Variants in MSH3 observed in about 807,000 individuals in gnomAD.
MSH3 encodes the protein DNA mismatch repair protein Msh3.
In MSH3, 106 loss-of-function variants were observed where a neutral mutation model predicts 123.3. The observed-to-expected ratio is 0.86, with a 90% CI of 0.73 to 1.01. The LOEUF is 1.01. MSH3 is among the 50% of genes least tolerant of loss of function. MSH3 has a pLI of 0.00. For missense variants in MSH3, 1,459 were observed against 1,347.6 expected (o/e 1.08, Z -1.29); for synonymous variants, 515 against 481.4 (o/e 1.07, Z -0.91).
intron 20 of MSH3, among the ~76,000 whole-genome samples, chr5:80,819,380 GTATA>G (rs1460059786): frequency 7.1e-5 from 1 of 14,008 alleles, no homozygotes; most frequent in Non-Finnish European, 1.7e-4. Context: ...ATATATATGT[GTATA>G]TATGTATATA....
intron 3 of MSH3, 107 bp from the exon 4 acceptor site, chr5:80,669,990 C>G: frequency 1.0e-6 from 1 of 1,002,102 alleles, no homozygotes; most frequent in South Asian, 1.4e-5. Flanking sequence ...AACTTTTCAT[C>G]TAGATTCACT....
intron 21 of MSH3, among the ~76,000 whole-genome samples, chr5:80,856,292 A>G (rs1745917996): frequency 6.6e-6 from 1 of 151,850 alleles, no homozygotes; most frequent in African/African-American, 2.4e-5. Context: ...TGTTTTTTTT[A>G]AGGAATTTTT....
chr5:80,865,980 A>G (rs1299286048), intron 22 of MSH3, among the ~76,000 whole-genome samples: 18 of 152,228 alleles, frequency 1.2e-4, no homozygotes, highest in Admixed American at 1.2e-3. Flanking sequence ...GGTTGACAAG[A>G]GGAGACTTAA....
chr5:80,832,769 G>T (rs930674977), intron 20 of MSH3, among the ~76,000 whole-genome samples: 3 of 151,804 alleles, frequency 2.0e-5, no homozygotes, highest in East Asian at 3.9e-4. Context: ...AGCACTTGAA[G>T]TATGTCCAAT....
chr5:80,698,935 G>C (rs1044031815), intron 8 of MSH3, among the ~76,000 whole-genome samples: 1 of 152,058 alleles, frequency 6.6e-6, no homozygotes, highest in Non-Finnish European at 1.5e-5. Flanking sequence ...ATGTACCCTA[G>C]AACTTAAAGT....
intron 23 of MSH3, among the ~76,000 whole-genome samples, chr5:80,874,075 G>C (rs1746267203): frequency 6.6e-6 from 1 of 152,114 alleles, no homozygotes. Flanking sequence ...ATGATGAACA[G>C]ATTGTTGATC....
chr5:80,670,923 C>T (rs372956090), intron 4 of MSH3, among the ~76,000 whole-genome samples: 53 of 152,010 alleles, frequency 3.5e-4, no homozygotes, highest in African/African-American at 1.2e-3. Flanking sequence ...AGTTTGAGAC[C>T]AGCCTGGCCA....
At chr5:80,714,061 A>G (rs898134900) in intron 8 of MSH3, among the ~76,000 whole-genome samples, 1 of 151,942 alleles carries the variant, frequency 6.6e-6, no homozygotes, top group Non-Finnish European at 1.5e-5. Context: ...TTAAAGTAGA[A>G]ATTTTCCTAA....
chr5:80,672,627 C>T (rs1223035738), intron 5 of MSH3, 114 bp from the exon 6 acceptor site: 10 of 895,374 alleles, frequency 1.1e-5, no homozygotes, highest in Admixed American at 3.8e-5. Flanking sequence ...TACATCTGAA[C>T]GTTGTGGACT....
At chr5:80,767,621 G>C (rs1478553040) in intron 13 of MSH3, among the ~76,000 whole-genome samples, 2 of 152,016 alleles carry the variant, frequency 1.3e-5, no homozygotes, top group Non-Finnish European at 2.9e-5. Flanking sequence ...ATGCCTTACA[G>C]ATATTATCCT....
intron 19 of MSH3, among the ~76,000 whole-genome samples, chr5:80,803,900 GT>G (rs1371156047): frequency 6.6e-6 from 1 of 152,030 alleles, no homozygotes; most frequent in Non-Finnish European, 1.5e-5. Flanking sequence ...TCTCTATTCT[GT>G]TTCATTGGTC....
intron 3 of MSH3, among the ~76,000 whole-genome samples, chr5:80,667,023 C>G (rs756186512): frequency 5.9e-5 from 9 of 152,106 alleles, no homozygotes; most frequent in Non-Finnish European, 1.0e-4. Context: ...ATATGTACAA[C>G]AAACCCTCAT....
chr5:80,825,397 G>A (rs1200374026), intron 20 of MSH3, among the ~76,000 whole-genome samples: 1 of 151,952 alleles, frequency 6.6e-6, no homozygotes, highest in Admixed American at 6.6e-5. Context: ...CCCCCTCAGT[G>A]TTATATATTT....
At chr5:80,684,724 G>C (rs1251318378) in intron 8 of MSH3, among the ~76,000 whole-genome samples, 2 of 152,108 alleles carry the variant, frequency 1.3e-5, no homozygotes, top group Non-Finnish European at 1.5e-5. Context: ...AGTGGTGGTA[G>C]TGGGCATCAT....
chr5:80,692,449 TAG>T (rs1337576180), intron 8 of MSH3, among the ~76,000 whole-genome samples: 38 of 44,188 alleles, frequency 8.6e-4, no homozygotes, highest in East Asian at 3.2e-3. Context: ...TGTATATGTT[TAG>T]ATAGATAAAC....
chr5:80,732,845 T>C (rs577397599), intron 10 of MSH3, among the ~76,000 whole-genome samples: 83 of 152,178 alleles, frequency 5.5e-4, no homozygotes, highest in African/African-American at 2.0e-3. Flanking sequence ...TAAAAAACGC[T>C]CAAAAAACTA....
intron 8 of MSH3, among the ~76,000 whole-genome samples, chr5:80,713,012 A>C (rs1324304835): frequency 6.6e-6 from 1 of 152,180 alleles, no homozygotes; most frequent in Non-Finnish European, 1.5e-5. Flanking sequence ...GGAACTCATC[A>C]GTGCTATTAT....
At chr5:80,661,494 A>G (rs1309596666) in intron 2 of MSH3, among the ~76,000 whole-genome samples, 1 of 152,012 alleles carries the variant, frequency 6.6e-6, no homozygotes, top group Non-Finnish European at 1.5e-5. Flanking sequence ...CAGAAGTTCC[A>G]TTTTGTTCTT....
At chr5:80,664,750 T>A (rs561748403) in intron 2 of MSH3, among the ~76,000 whole-genome samples, 6 of 152,344 alleles carry the variant, frequency 3.9e-5, no homozygotes, top group Admixed American at 1.3e-4. Context: ...TTGGTTTTCC[T>A]AATTACTGAC....
Sources: allele counts gnomAD v4.1 joint callset (sites outside exome capture counted in the v4.1 genomes callset), GRCh38; gene constraint gnomAD v4.1.1; transcripts MANE v1.5; gene names NCBI Gene and HGNC (gene_info 2026-07-23, HGNC 2026-07-21).